HIVEP3: variants seen among roughly 807,000 people sequenced by gnomAD.
HIVEP3 encodes transcription factor HIVEP3.
HIVEP3 carries 49 observed loss-of-function variants against 152.8 expected under a neutral mutation model. The observed-to-expected ratio is 0.32, with a 90% CI of 0.26 to 0.41. The LOEUF (loss-of-function observed/expected upper bound fraction) is 0.41. Ranked by LOEUF, HIVEP3 falls within the 10% of genes least tolerant of loss-of-function variation. The pLI, the probability that HIVEP3 is intolerant of heterozygous loss-of-function variation, is 1.00. For synonymous variants in HIVEP3, 1,269 were observed against 1,289.0 expected, an observed-to-expected ratio of 0.98 and a Z score of 0.33; for missense variants, 2,790 against 3,103.3, an observed-to-expected ratio of 0.90 and a Z score of 2.40.
At chr1:41,821,146 G>A (rs1642582698) in intron 1 of HIVEP3, among the ~76,000 whole-genome samples, 2 of 152,308 alleles carry the variant, frequency 1.3e-5, no homozygotes, top group Admixed American at 1.3e-4. Flanking sequence ...TCCAGCTTCA[G>A]AGACTCCCCA....
intron 1 of HIVEP3, among the ~76,000 whole-genome samples, chr1:41,875,096 A>G (rs1248865556): frequency 6.6e-6 from 1 of 152,196 alleles, no homozygotes; most frequent in African/African-American, 2.4e-5. Flanking sequence ...AGAGAGGGAG[A>G]GCCAGAATAC....
intron 1 of HIVEP3, among the ~76,000 whole-genome samples, chr1:41,845,711 T>A (rs1410331220): frequency 6.6e-6 from 1 of 152,180 alleles, no homozygotes; most frequent in African/African-American, 2.4e-5. Context: ...TCTATATGCT[T>A]TTATACTATT....
At chr1:41,959,534 T>C (rs1256514336) in intron 1 of HIVEP3, among the ~76,000 whole-genome samples, 1 of 152,186 alleles carries the variant, frequency 6.6e-6, no homozygotes, top group African/African-American at 2.4e-5. Context: ...TGATCGAGCA[T>C]TGGAACAACC....
chr1:41,700,994 G>A lies in HIVEP3; in HGVS notation c.-799C>T, dbSNP rs1646353858. On this transcript the variant is annotated splice_region_variant and 5_prime_UTR_variant, in exon 2 of 9. Transcript: ENST00000372583. ...GCTTGGAGAACTGTGTTGGAGGGAG[G>A]CCTGTGGGAAGTAGAGAAAGTGAGA... is the stretch of plus-strand genomic sequence containing the variant. 3.3e-5 allele frequency: 32 copies of A among 983,468 alleles called. No individual in the cohort carries two copies. The highest frequency in any genetic ancestry group is 3.9e-5 in the Non-Finnish European group (32 of 828,122). 60.9% of individuals were successfully genotyped at this position (983,468 alleles called of 1,614,324 possible). A position where few individuals can be genotyped will look rare whatever the true frequency, so the allele number is the denominator to read the frequency against.
intron 1 of HIVEP3, among the ~76,000 whole-genome samples, chr1:41,845,291 C>T (rs1643405742): frequency 6.6e-6 from 1 of 152,016 alleles, no homozygotes; most frequent in Non-Finnish European, 1.5e-5. Context: ...CCTGGGTCTA[C>T]AATAGTGTCT....
intron 3 of HIVEP3, among the ~76,000 whole-genome samples, chr1:41,616,282 G>A (rs958613813): frequency 6.6e-6 from 1 of 152,188 alleles, no homozygotes; most frequent in Non-Finnish European, 1.5e-5. Context: ...GCCACAGCAG[G>A]GCAATGGGCA....
At chr1:42,034,390 A>T (rs1006083547) in intron 1 of HIVEP3, among the ~76,000 whole-genome samples, 1 of 152,230 alleles carries the variant, frequency 6.6e-6, no homozygotes, top group Non-Finnish European at 1.5e-5. Flanking sequence ...CTGCTTCTAT[A>T]CCAAAACTAC....
At chr1:41,545,881 C>A (rs1643793289) in intron 5 of HIVEP3, among the ~76,000 whole-genome samples, 1 of 152,196 alleles carries the variant, frequency 6.6e-6, no homozygotes, top group Non-Finnish European at 1.5e-5. Context: ...CAGAGAGGAA[C>A]AGTAACAGGG....
chr1:42,015,975 C>T (rs894554212), intron 1 of HIVEP3, among the ~76,000 whole-genome samples: 1 of 152,214 alleles, frequency 6.6e-6, no homozygotes, highest in East Asian at 1.9e-4. Context: ...TAATTAGACA[C>T]TGTAATTGCT....
chr1:41,950,535 T>C (rs1420313238), intron 1 of HIVEP3, among the ~76,000 whole-genome samples: 1 of 152,204 alleles, frequency 6.6e-6, no homozygotes, highest in Non-Finnish European at 1.5e-5. Flanking sequence ...TCCATAATAA[T>C]TGCATTTGTG....
chr1:41,722,708 T>C (rs552957716), intron 1 of HIVEP3, among the ~76,000 whole-genome samples: 3 of 151,902 alleles, frequency 2.0e-5, no homozygotes, highest in Non-Finnish European at 2.9e-5. Flanking sequence ...AAAAAGACAA[T>C]TGTTGGTGAA....
intron 1 of HIVEP3, among the ~76,000 whole-genome samples, chr1:41,912,852 G>A (rs930114096): frequency 1.3e-5 from 2 of 152,224 alleles, no homozygotes; most frequent in African/African-American, 4.8e-5. Flanking sequence ...CAGGGAATTG[G>A]GGGGAGTTTG....
chr1:41,944,495 T>C (rs1264745652), intron 1 of HIVEP3, among the ~76,000 whole-genome samples: 1 of 152,152 alleles, frequency 6.6e-6, no homozygotes, highest in Non-Finnish European at 1.5e-5. Context: ...GCATAAGAAC[T>C]GTTGTTTATG....
intron 6 of HIVEP3, among the ~76,000 whole-genome samples, chr1:41,519,202 G>T (rs1157079696): frequency 7.9e-5 from 12 of 152,216 alleles, no homozygotes; most frequent in Non-Finnish European, 2.9e-5. Flanking sequence ...CACAGGACCA[G>T]GGTGGTTCAG....
At chr1:41,948,543 G>A (rs1645087543) in intron 1 of HIVEP3, among the ~76,000 whole-genome samples, 1 of 145,008 alleles carries the variant, frequency 6.9e-6, no homozygotes, top group African/African-American at 2.6e-5. Flanking sequence ...TGAAGCCAAA[G>A]AGCCGCAAGG....
At chr1:41,971,392 A>ACC (rs1370931050) in intron 1 of HIVEP3, among the ~76,000 whole-genome samples, 1 of 152,164 alleles carries the variant, frequency 6.6e-6, no homozygotes, top group Non-Finnish European at 1.5e-5. Flanking sequence ...CAATCTGATC[A>ACC]CCGCCTATTT....
chr1:41,708,353 C>G (rs929498109), intron 1 of HIVEP3, among the ~76,000 whole-genome samples: 2 of 152,176 alleles, frequency 1.3e-5, no homozygotes, highest in Admixed American at 1.3e-4. Context: ...CTTCTCCCCA[C>G]TTTGGCAATA....
At chr1:41,680,274 C>G (rs1234647118) in intron 2 of HIVEP3, among the ~76,000 whole-genome samples, 1 of 152,210 alleles carries the variant, frequency 6.6e-6, no homozygotes, top group African/African-American at 2.4e-5. Flanking sequence ...TGAGCATGTC[C>G]AAGGTATCTA....
intron 1 of HIVEP3, among the ~76,000 whole-genome samples, chr1:41,732,469 C>T (rs1259148966): frequency 6.6e-6 from 1 of 151,992 alleles, no homozygotes; most frequent in Admixed American, 6.5e-5. Context: ...GGGGAGGGCA[C>T]ACAGGTGCTA....
Sources: gnomAD v4.1 joint callset for allele counts (sites outside exome capture counted in the v4.1 genomes callset) on GRCh38, gnomAD v4.1.1 for gene constraint, MANE v1.5 for transcripts, NCBI Gene and HGNC (gene_info 2026-07-23, HGNC 2026-07-21) for gene names.